The following TOX variants were observed in gnomAD, a reference collection of about 807,000 sequenced individuals.
TOX encodes thymocyte selection associated high mobility group box.
A neutral mutation model predicts 53.7 loss-of-function variants in TOX; 11 were observed. That is an observed-to-expected ratio of 0.20 (90% CI 0.13 to 0.34). TOX has a LOEUF of 0.34. TOX is among the 10% of genes least tolerant of loss of function. The pLI is 1.00. For synonymous variants in TOX, 225 were observed against 245.3 expected, an observed-to-expected ratio of 0.92 and a Z score of 0.77; for missense variants, 570 against 664.6, an observed-to-expected ratio of 0.86 and a Z score of 1.56.
At chr8:58,907,721 A>G (rs1357810397) in intron 3 of TOX, among the ~76,000 whole-genome samples, 1 of 152,230 alleles carries the variant, frequency 6.6e-6, no homozygotes, top group African/African-American at 2.4e-5. Flanking sequence ...GTCCAGTATC[A>G]GTGAGGCTGT....
intron 3 of TOX, among the ~76,000 whole-genome samples, chr8:58,853,997 C>G (rs1239140717): frequency 6.6e-6 from 1 of 152,170 alleles, no homozygotes; most frequent in East Asian, 1.9e-4. Flanking sequence ...TGCAGAAAAG[C>G]TCCCATTATG....
At chr8:58,869,748 T>G (rs565288948) in intron 3 of TOX, among the ~76,000 whole-genome samples, 1 of 152,182 alleles carries the variant, frequency 6.6e-6, no homozygotes, top group Admixed American at 6.5e-5. Flanking sequence ...TTAGAAAATC[T>G]AACAATGTAT....
In TOX at chr8:59,081,026, G is replaced by GTTGTT. The variant is rs1337079562; in HGVS notation, c.102+37855_102+37859dup. On this transcript the variant is annotated intron_variant, in intron 1 of 8. Coordinates refer to ENST00000361421, the MANE Select transcript of TOX (RefSeq NM_014729.3). ...GTATAGGGAAGGTTTTGTTTTTGTT[G>GTTGTT]TTGTTTTGTTTTGTTTTGAAGACAG... 5.3e-5 allele frequency among the ~76,000 whole-genome samples: 8 copies of GTTGTT among 152,064 alleles called. No individual in the cohort carries two copies. In the East Asian group the frequency reaches 9.7e-4, roughly 18 times the overall value.
At chr8:58,909,967 T>C (rs1811883015) in intron 3 of TOX, among the ~76,000 whole-genome samples, 1 of 152,134 alleles carries the variant, frequency 6.6e-6, no homozygotes, top group African/African-American at 2.4e-5. Context: ...CTTAACTCTC[T>C]TTTGAATCTT....
chr8:58,897,327 T>A (rs1020076806), intron 3 of TOX, among the ~76,000 whole-genome samples: 10 of 152,200 alleles, frequency 6.6e-5, no homozygotes, highest in Non-Finnish European at 1.5e-4. Flanking sequence ...CAGAATTTAA[T>A]AATTTGGATG....
intron 3 of TOX, among the ~76,000 whole-genome samples, chr8:58,936,253 T>C (rs1189258296): frequency 3.3e-5 from 5 of 152,210 alleles, no homozygotes; most frequent in African/African-American, 1.2e-4. Flanking sequence ...TCTTTCCTCT[T>C]GGTTTATCCA....
rs758939869 is a variant in TOX at position 58,815,662 on chromosome 8, C to A, written c.1068G>T (p.Pro356=). 2 of 1,614,042 alleles carry A rather than the reference C, an allele frequency of 1.2e-6. No individual in the cohort carries two copies. The highest frequency in any genetic ancestry group is 2.2e-5 in the East Asian group (1 of 44,852). The part of the protein sequence containing the change: ...SQPPQLINSK[P]SVFHGPSQAH... ...CCTGGCTGGGCCCATGGAACACCGA[C>A]GGCTTCGAATTGATCAGCTGAGGAG... The change falls in exon 7 of 9, where the codon CCG becomes CCT. Residue 356 remains proline (P), a synonymous_variant. Transcript: ENST00000361421.
intron 7 of TOX, chr8:58,814,401 A>G (rs1810137689): frequency 1.3e-5 from 2 of 152,264 alleles, no homozygotes; most frequent in African/African-American, 2.4e-5. Context: ...TTTTTAAAAA[A>G]TTATATTCAG....
At chr8:58,857,926 C>T (rs969388450) in intron 3 of TOX, among the ~76,000 whole-genome samples, 4 of 152,084 alleles carry the variant, frequency 2.6e-5, no homozygotes, top group African/African-American at 9.7e-5. Flanking sequence ...TGTGCCACAA[C>T]ACCCAGCTAC....
chr8:59,110,447 A>T (rs2129424905), intron 1 of TOX, among the ~76,000 whole-genome samples: 1 of 152,228 alleles, frequency 6.6e-6, no homozygotes, highest in East Asian at 1.9e-4. Flanking sequence ...TAAATTAACC[A>T]TTTAATTGAG....
At chr8:58,891,981 C>A (rs1811567736) in intron 3 of TOX, among the ~76,000 whole-genome samples, 1 of 152,114 alleles carries the variant, frequency 6.6e-6, no homozygotes, top group African/African-American at 2.4e-5. Flanking sequence ...TTTTCTAAAG[C>A]ATTCGTATTC....
At chr8:58,824,392 G>T (rs55914621) in intron 6 of TOX, among the ~76,000 whole-genome samples, 11,783 of 152,236 alleles carry the variant, frequency 0.077, 575 homozygotes, top group Middle Eastern at 0.13. Context: ...CCTTTCAAAT[G>T]TCCTGCAAGT....
At chr8:58,876,043 G>A (rs140870110) in intron 3 of TOX, among the ~76,000 whole-genome samples, 15 of 152,160 alleles carry the variant, frequency 9.9e-5, no homozygotes, top group Middle Eastern at 6.8e-3. Context: ...TAAAGTTTCC[G>A]AGAATGCCTT....
intron 1 of TOX, among the ~76,000 whole-genome samples, chr8:58,990,492 A>G (rs1813421757): frequency 6.6e-6 from 1 of 151,794 alleles, no homozygotes; most frequent in African/African-American, 2.4e-5. Context: ...GCTTGCAACC[A>G]AAAGAAACTT....
chr8:58,934,208 C>T (rs1179549980), intron 3 of TOX, among the ~76,000 whole-genome samples: 1 of 152,142 alleles, frequency 6.6e-6, no homozygotes, highest in Non-Finnish European at 1.5e-5. Context: ...AGAGGGACTT[C>T]AGGAAAATGG....
intron 1 of TOX, among the ~76,000 whole-genome samples, chr8:59,000,802 C>T (rs139256977): frequency 6.6e-6 from 1 of 152,048 alleles, no homozygotes; most frequent in African/African-American, 2.4e-5. Context: ...AGAGATCAAA[C>T]CCACTGCAAA....
chr8:58,970,949 C>A (rs897046093), intron 1 of TOX, among the ~76,000 whole-genome samples: 1 of 152,130 alleles, frequency 6.6e-6, no homozygotes, highest in African/African-American at 2.4e-5. Flanking sequence ...TTCTGTAAAC[C>A]AGATCCTACT....
At chr8:59,066,693 A>G (rs443245) in intron 1 of TOX, among the ~76,000 whole-genome samples, 144,779 of 152,280 alleles carry the variant, frequency 0.95, 68,883 homozygotes, top group African/African-American at 0.97. Context: ...CCTGTGTAAT[A>G]TTAAACTGAA....
chr8:58,984,715 G>A (rs548507420), intron 1 of TOX, among the ~76,000 whole-genome samples: 192 of 149,222 alleles, frequency 1.3e-3, no homozygotes, highest in African/African-American at 1.7e-3. Context: ...CCCGGGAGGC[G>A]GAGCTTGCAG....
Sources: gnomAD v4.1 joint callset for allele counts (sites outside exome capture counted in the v4.1 genomes callset) on GRCh38, gnomAD v4.1.1 for gene constraint, MANE v1.5 for transcripts, NCBI Gene and HGNC (gene_info 2026-07-23, HGNC 2026-07-21) for gene names.